Variants in PRKD1 observed in about 807,000 individuals in gnomAD.
PRKD1 encodes the protein serine/threonine-protein kinase D1.
In PRKD1, 63 loss-of-function variants were observed where a neutral mutation model predicts 95.9. The observed-to-expected ratio is 0.66, with a 90% CI of 0.54 to 0.81. The LOEUF (loss-of-function observed/expected upper bound fraction) is 0.81, where lower values mean the gene tolerates loss of function less well. Among genes scored for constraint, PRKD1 ranks in the 30% least tolerant of loss-of-function variants. The probability of loss-of-function intolerance (pLI) is 0.00; values close to 1 mark genes in which losing one functional copy is unlikely to be tolerated. For missense variants in PRKD1, 1,048 were observed against 1,165.3 expected, an observed-to-expected ratio of 0.90 and a Z score of 1.47; for synonymous variants, 425 against 423.1, an observed-to-expected ratio of 1.00 and a Z score of -0.05.
At chr14:29,895,271 C>T (rs1894083348) in intron 1 of PRKD1, among the ~76,000 whole-genome samples, 1 of 152,048 alleles carries the variant, frequency 6.6e-6, no homozygotes. Context: ...GAGCCAAGAT[C>T]ATGCCACTGC....
intron 1 of PRKD1, among the ~76,000 whole-genome samples, chr14:29,748,515 C>G (rs1209424480): frequency 6.6e-6 from 1 of 152,090 alleles, no homozygotes; most frequent in East Asian, 1.9e-4. Context: ...ATCAACTGAC[C>G]AAAACTTTTG....
intron 2 of PRKD1, among the ~76,000 whole-genome samples, chr14:29,667,557 T>G (rs1347863408): frequency 6.6e-6 from 1 of 152,208 alleles, no homozygotes; most frequent in East Asian, 1.9e-4. Flanking sequence ...AATCACCTAC[T>G]TTGGTGGTTT....
chr14:29,717,090 A>G (rs1467836203), intron 2 of PRKD1, among the ~76,000 whole-genome samples: 1 of 152,170 alleles, frequency 6.6e-6, no homozygotes, highest in African/African-American at 2.4e-5. Context: ...AACAACATTA[A>G]CTTTTGGATA....
At chr14:29,837,797 G>A (rs980863747) in intron 1 of PRKD1, among the ~76,000 whole-genome samples, 2 of 152,186 alleles carry the variant, frequency 1.3e-5, no homozygotes, top group Non-Finnish European at 1.5e-5. Context: ...TGTACTTACT[G>A]TGACATGCAC....
intron 1 of PRKD1, among the ~76,000 whole-genome samples, chr14:29,759,387 T>C (rs1001836659): frequency 1.3e-5 from 2 of 152,140 alleles, no homozygotes; most frequent in African/African-American, 4.8e-5. Flanking sequence ...AAAACAGCAA[T>C]CTTTCTATTA....
At chr14:29,601,988 G>A (rs1475911337) in intron 13 of PRKD1, among the ~76,000 whole-genome samples, 3 of 152,200 alleles carry the variant, frequency 2.0e-5, no homozygotes, top group East Asian at 1.9e-4. Flanking sequence ...ACTATGATAT[G>A]TGCAAAGTAC....
chr14:29,586,166 A>G (rs1318252655), intron 16 of PRKD1, among the ~76,000 whole-genome samples: 1 of 152,170 alleles, frequency 6.6e-6, no homozygotes, highest in East Asian at 1.9e-4. Context: ...TATTGCCCAA[A>G]GGGTCCTTGA....
intron 1 of PRKD1, among the ~76,000 whole-genome samples, chr14:29,787,372 C>A (rs1415234216): frequency 6.6e-6 from 1 of 151,832 alleles, no homozygotes; most frequent in Non-Finnish European, 1.5e-5. Context: ...CAGATTAAGT[C>A]CAATGTTACT....
At chr14:29,911,969 C>T (rs1894730452) in intron 1 of PRKD1, among the ~76,000 whole-genome samples, 1 of 152,202 alleles carries the variant, frequency 6.6e-6, no homozygotes. Flanking sequence ...CTCCTGCTTT[C>T]CTCTTACAGC....
intron 1 of PRKD1, among the ~76,000 whole-genome samples, chr14:29,893,586 AT>A (rs913259914): frequency 3.9e-5 from 6 of 152,230 alleles, no homozygotes; most frequent in African/African-American, 1.4e-4. Flanking sequence ...AGCATATGTA[AT>A]GAAAAAACAT....
At chr14:29,873,712 T>C (rs973865260) in intron 1 of PRKD1, among the ~76,000 whole-genome samples, 3 of 152,040 alleles carry the variant, frequency 2.0e-5, no homozygotes, top group African/African-American at 7.2e-5. Context: ...GGGGCACCCA[T>C]CCCAGAAATG....
At chr14:29,854,145 A>G (rs1415439245) in intron 1 of PRKD1, among the ~76,000 whole-genome samples, 1 of 152,210 alleles carries the variant, frequency 6.6e-6, no homozygotes, top group Non-Finnish European at 1.5e-5. Context: ...GGTGCTGCTG[A>G]AAAGATACCC....
intron 1 of PRKD1, among the ~76,000 whole-genome samples, chr14:29,850,299 G>C (rs570481014): frequency 6.6e-6 from 1 of 152,184 alleles, no homozygotes; most frequent in Non-Finnish European, 1.5e-5. Context: ...TCTATACCTA[G>C]AAAACCCTAA....
At chr14:29,818,799 G>T (rs1890795306) in intron 1 of PRKD1, among the ~76,000 whole-genome samples, 1 of 151,764 alleles carries the variant, frequency 6.6e-6, no homozygotes, top group Non-Finnish European at 1.5e-5. Flanking sequence ...TTTTTAAAAT[G>T]ATGTTCTATT....
At chr14:29,636,044 C>CAAAA (rs10590081) in intron 7 of PRKD1, among the ~76,000 whole-genome samples, 1 of 143,096 alleles carries the variant, frequency 7.0e-6, no homozygotes, top group Non-Finnish European at 1.5e-5. Flanking sequence ...CTCTCACATG[C>CAAAA]AAAAAAAAAA....
chr14:29,800,358 T>C (rs898765257), intron 1 of PRKD1, among the ~76,000 whole-genome samples: 1 of 152,208 alleles, frequency 6.6e-6, no homozygotes, highest in African/African-American at 2.4e-5. Context: ...TTGCATTTGT[T>C]TAACACTCTG....
intron 1 of PRKD1, among the ~76,000 whole-genome samples, chr14:29,820,361 A>G (rs1459572217): frequency 6.6e-6 from 1 of 152,258 alleles, no homozygotes; most frequent in Admixed American, 6.5e-5. Flanking sequence ...TAATTAAAAT[A>G]GAATCTATGA....
chr14:29,919,180 A>G (rs1381090169), intron 1 of PRKD1, among the ~76,000 whole-genome samples: 1 of 152,196 alleles, frequency 6.6e-6, no homozygotes, highest in African/African-American at 2.4e-5. Context: ...TTCCTGTGTG[A>G]TTGCATATTT....
Position 29,673,656 on chromosome 14 carries a change from C to G in PRKD1, c.404-7448G>C, listed in dbSNP as rs115992442. Reference sequence around the variant, plus strand: ...GGCACATATTAAAGTGATTAATTCTCGTAGTTAAACATGTTGCTTCCCTGC... The same window carrying G: ...GGCACATATTAAAGTGATTAATTCTGGTAGTTAAACATGTTGCTTCCCTGC... On this transcript the variant is annotated intron_variant, in intron 2 of 17. Coordinates refer to ENST00000331968, the MANE Select transcript of PRKD1 (RefSeq NM_002742.3). Among the ~76,000 whole-genome samples, 1,367 of 152,276 alleles carry G rather than the reference C, an allele frequency of 9.0e-3. 23 individuals carry two copies. Among genetic ancestry groups the G allele is most frequent in the African/African-American group, 0.031 (1,304 of 41,540 alleles).
Sources: gnomAD v4.1 joint callset for allele counts (sites outside exome capture counted in the v4.1 genomes callset) on GRCh38, gnomAD v4.1.1 for gene constraint, MANE v1.5 for transcripts, NCBI Gene and HGNC (gene_info 2026-07-23, HGNC 2026-07-21) for gene names.